CUX1: variants seen among roughly 807,000 people sequenced by gnomAD.
CUX1 encodes the protein cut like homeobox 1.
A neutral mutation model predicts 158.8 loss-of-function variants in CUX1; 31 were observed. The observed-to-expected ratio is 0.20, with a 90% CI of 0.15 to 0.26. CUX1 has a LOEUF of 0.26. Ranked by LOEUF, CUX1 falls within the 10% of genes least tolerant of loss-of-function variation. The pLI is 1.00. For synonymous variants in CUX1, 879 were observed against 862.1 expected (o/e 1.02, Z -0.34); for missense variants, 1,589 against 2,014.6 (o/e 0.79, Z 4.04).
At chr7:102,173,448 C>T (rs1791955087) in intron 10 of CUX1, among the ~76,000 whole-genome samples, 1 of 152,226 alleles carries the variant, frequency 6.6e-6, no homozygotes, top group South Asian at 2.1e-4. Flanking sequence ...CTTCATACTT[C>T]ATGGACTCTG....
chr7:102,255,983 G>A lies in CUX1; in HGVS notation c.*6941G>A. On this transcript the variant is annotated 3_prime_UTR_variant, in exon 24 of 24. Transcript: ENST00000292535. The stretch of plus-strand genomic sequence containing the variant: ...TGAACTCAAAGTAAGCTTTAGACCA[G>A]GACGATTCAGGTTATGAATGAGTTT... 1.0e-6 allele frequency: 1 copy of A among 985,414 alleles called. No individual in the cohort carries two copies. The highest frequency in any genetic ancestry group is 1.2e-6 in the Non-Finnish European group (1 of 829,942). 61.0% of individuals were successfully genotyped at this position (985,414 alleles called of 1,614,324 possible). A position where few individuals can be genotyped will look rare whatever the true frequency, so the allele number is the denominator to read the frequency against.
At chr7:101,879,567 G>A (rs1185442915) in intron 1 of CUX1, among the ~76,000 whole-genome samples, 1 of 152,068 alleles carries the variant, frequency 6.6e-6, no homozygotes, top group Admixed American at 6.5e-5. Context: ...GTTGTCTTCG[G>A]CCTTCTGGGG....
intron 1 of CUX1, among the ~76,000 whole-genome samples, chr7:101,852,667 ATTTTTTT>A (rs71106571): frequency 6.6e-5 from 5 of 75,994 alleles, no homozygotes; most frequent in Non-Finnish European, 1.3e-4. Context: ...CTGCGTTGGA[ATTTTTTT>A]TTTTTTTTTT....
intron 14 of CUX1, among the ~76,000 whole-genome samples, chr7:102,267,460 GGA>G (rs34709114): frequency 0.014 from 2,164 of 152,088 alleles, 37 homozygotes; most frequent in Non-Finnish European, 0.021. Flanking sequence ...CTTGAACCTG[GGA>G]GAGAGAGGTT....
intron 2 of CUX1, among the ~76,000 whole-genome samples, chr7:101,952,428 T>TGCTGAATCAGAAAATAC (rs1477781613): frequency 6.6e-6 from 1 of 152,186 alleles, no homozygotes; most frequent in Non-Finnish European, 1.5e-5. Flanking sequence ...ACTCCAGACC[T>TGCTGAATCAGAAAATAC]GCTGAATCAG....
chr7:102,097,824 C>T (rs1305412505), intron 5 of CUX1, among the ~76,000 whole-genome samples: 3 of 152,218 alleles, frequency 2.0e-5, no homozygotes, highest in African/African-American at 7.2e-5. Flanking sequence ...TGCCTCCAGG[C>T]GACACCTGTC....
chr7:101,853,468 G>A (rs1796478150), intron 1 of CUX1, among the ~76,000 whole-genome samples: 1 of 152,134 alleles, frequency 6.6e-6, no homozygotes, highest in Admixed American at 6.5e-5. Context: ...CCTTTGTCCT[G>A]TCGCTTTGTC....
chr7:102,091,587 A>G (rs539178736), intron 4 of CUX1, among the ~76,000 whole-genome samples: 82 of 152,174 alleles, frequency 5.4e-4, no homozygotes, highest in Non-Finnish European at 1.0e-3. Context: ...CTCCCACCTC[A>G]GCCTCCCAAA....
chr7:101,982,719 G>A (rs184822211), intron 2 of CUX1, among the ~76,000 whole-genome samples: 12 of 152,092 alleles, frequency 7.9e-5, no homozygotes, highest in African/African-American at 2.4e-4. Flanking sequence ...GAGCCAACAG[G>A]GACTTTTTTT....
rs149875104 is a variant in CUX1 at position 102,201,445 on chromosome 7, G to A, written c.2148G>A (p.Glu716=). 413 of 1,614,134 alleles carry A rather than the reference G, an allele frequency of 2.6e-4. No individual in the cohort carries two copies. The African/African-American group carries it at 4.9e-3, about 19-fold the overall frequency. The change falls in exon 18 of 24, where the codon GAG becomes GAA. Residue 716 remains glutamate (E), a synonymous_variant. Coordinates refer to ENST00000292535, the MANE Select transcript of CUX1 (RefSeq NM_181552.4). The surrounding 1 kb of genome is among the most constrained non-coding windows in gnomAD (Gnocchi z 5.0). ...IRSILQQARR[E]MEAQQAALDP... ...CCATCCTGCAGCAAGCCCGCCGGGAGATGGAGGCCCAGCAGGCTGCCCTCG... is the reference window on the plus strand; with the variant it reads ...CCATCCTGCAGCAAGCCCGCCGGGAAATGGAGGCCCAGCAGGCTGCCCTCG...
rs563270069 is a variant in CUX1, at chr7:101,997,971, C to A, written c.142-30127C>A. 7.2e-5 allele frequency among the ~76,000 whole-genome samples: 11 copies of A among 152,342 alleles called. No homozygotes were observed. The South Asian group carries it at 2.1e-3, about 29-fold the overall frequency. ...TCCTGAGTCTCAGGGGTTCCTGTGC[C>A]ACCAGAGAACGAACTCCCCAACTGT... On this transcript the variant is annotated intron_variant, in intron 2 of 23. Transcript: ENST00000292535.
chr7:101,940,577 A>ATG (rs572440147), intron 2 of CUX1, among the ~76,000 whole-genome samples: 58 of 152,126 alleles, frequency 3.8e-4, no homozygotes, highest in African/African-American at 1.0e-3. Context: ...ATATATATAT[A>ATG]TGTGTGTGTG....
chr7:102,149,540 G>C (rs1419344951), intron 8 of CUX1, among the ~76,000 whole-genome samples: 1 of 152,148 alleles, frequency 6.6e-6, no homozygotes, highest in Non-Finnish European at 1.5e-5. Flanking sequence ...GTTTCCCTTG[G>C]GTGTGGTTCA....
At chr7:102,224,504 G>C (rs1404290036) in intron 20 of CUX1, among the ~76,000 whole-genome samples, 3 of 152,154 alleles carry the variant, frequency 2.0e-5, no homozygotes, top group Non-Finnish European at 4.4e-5. Context: ...ATTGAGAGTG[G>C]AGAGACAGAT....
At chr7:102,113,405 G>A (rs1285510209) in intron 7 of CUX1, among the ~76,000 whole-genome samples, 1 of 152,046 alleles carries the variant, frequency 6.6e-6, no homozygotes, top group Non-Finnish European at 1.5e-5. Flanking sequence ...TGGCGTTACA[G>A]GCGCATGCCA....
chr7:102,082,807 A>T lies in CUX1; in HGVS notation c.268+12390A>T, dbSNP rs555367641. 1.6e-4 allele frequency among the ~76,000 whole-genome samples: 24 copies of T among 147,650 alleles called. No individual in the cohort carries two copies. In the East Asian group the frequency reaches 4.6e-3, roughly 29 times the overall value. On this transcript the variant is annotated intron_variant, in intron 4 of 23. Transcript: ENST00000292535. Reference sequence around the variant, plus strand: ...TTAGTCCTTTCCTTTTTATTGATGAATGATATTCCACTGTGTGGATATATA... The same window carrying T: ...TTAGTCCTTTCCTTTTTATTGATGATTGATATTCCACTGTGTGGATATATA...
At chr7:101,969,215 C>T (rs1253587736) in intron 2 of CUX1, among the ~76,000 whole-genome samples, 1 of 151,686 alleles carries the variant, frequency 6.6e-6, no homozygotes. Flanking sequence ...CACACCTGTA[C>T]TTTCAGCTAC....
intron 2 of CUX1, among the ~76,000 whole-genome samples, chr7:101,982,856 T>C (rs1813618160): frequency 6.6e-6 from 1 of 151,224 alleles, no homozygotes; most frequent in Non-Finnish European, 1.5e-5. Context: ...TATCTCCTAA[T>C]GCTATCCCTC....
chr7:102,024,000 GC>G (rs1202287234), intron 2 of CUX1, among the ~76,000 whole-genome samples: 1 of 152,212 alleles, frequency 6.6e-6, no homozygotes, highest in Non-Finnish European at 1.5e-5. Context: ...AAAAGGCATA[GC>G]CCTTCTGCCT....
Sources: allele counts gnomAD v4.1 joint callset (sites outside exome capture counted in the v4.1 genomes callset), GRCh38; gene constraint gnomAD v4.1.1; non-coding constraint Gnocchi (gnomAD v3.1); transcripts MANE v1.5; gene names NCBI Gene and HGNC (gene_info 2026-07-23, HGNC 2026-07-21).